The following SCN1A variants were observed in gnomAD, a reference collection of about 807,000 sequenced individuals.
SCN1A encodes sodium channel protein type 1 subunit alpha.
In SCN1A, 13 loss-of-function variants were observed where a neutral mutation model predicts 193.7. The ratio of observed to expected loss-of-function variants is 0.07; its 90% CI spans 0.04 to 0.11. The LOEUF (loss-of-function observed/expected upper bound fraction) is 0.11, where lower values mean the gene tolerates loss of function less well. SCN1A is among the 10% of genes least tolerant of loss of function. The pLI is 1.00. For missense variants in SCN1A, 1,432 were observed against 2,451.1 expected, an observed-to-expected ratio of 0.58 and a Z score of 8.78; for synonymous variants, 781 against 843.6, an observed-to-expected ratio of 0.93 and a Z score of 1.29.
chr2:166,115,801 A>G (rs537852489), intron 2 of SCN1A, among the ~76,000 whole-genome samples: 7 of 152,340 alleles, frequency 4.6e-5, no homozygotes, highest in African/African-American at 1.4e-4. Context: ...CACATCAGAC[A>G]ATATGCTGCA....
At chr2:166,004,275 C>A (rs570019150) in intron 23 of SCN1A, among the ~76,000 whole-genome samples, 1 of 151,652 alleles carries the variant, frequency 6.6e-6, no homozygotes, top group African/African-American at 2.4e-5. Flanking sequence ...ATTTTGTCCA[C>A]TATCCAGATT....
rs374469964 is a variant in SCN1A, at chr2:166,019,975, A to G, written c.3430-4248T>C. On this transcript the variant is annotated intron_variant, in intron 19 of 28. Transcript: ENST00000674923. ...GTCCACGCTGGAGTGCAGTGGCGCGATCTCGGCTCACTGCAAGCTCCGCCT... is the reference window on the plus strand; with the variant it reads ...GTCCACGCTGGAGTGCAGTGGCGCGGTCTCGGCTCACTGCAAGCTCCGCCT... 4.7e-5 allele frequency among the ~76,000 whole-genome samples: 7 copies of G among 149,066 alleles called. No homozygotes were observed. In the East Asian group the frequency reaches 1.0e-3, roughly 21 times the overall value.
intron 20 of SCN1A, among the ~76,000 whole-genome samples, chr2:166,014,694 A>ATCCTGTATTT (rs1693035927): frequency 2.0e-5 from 3 of 151,116 alleles, no homozygotes; most frequent in Non-Finnish European, 3.0e-5. Flanking sequence ...GGAGAAAGGG[A>ATCCTGTATTT]ATGAATGGAG....
intron 4 of SCN1A, among the ~76,000 whole-genome samples, chr2:166,073,040 A>C (rs767640675): frequency 6.6e-6 from 1 of 151,926 alleles, no homozygotes; most frequent in Non-Finnish European, 1.5e-5. Context: ...GGGTTTCACC[A>C]TGTTGGCCAG....
rs1693197328 is a variant in SCN1A at position 166,015,723 on chromosome 2, A to G, written c.3434T>C (p.Leu1145Pro). The change falls in exon 20 of 29, where the codon CTG becomes CCG. Residue 1145 changes from leucine to proline, a missense_variant. Physicochemically the swap from Leu to Pro is moderately conservative, Grantham distance 98 (BLOSUM62 -3). Around this residue, in one of 18 missense-constraint regions of SCN1A, gnomAD observed 198 missense variants for 225.8 expected, o/e 0.88. Transcript: ENST00000674923. ...ESDLEESKEK[L>P]NESSSSSEGS... ...TTCTGATGAGCTACTGCTTTCATTC[A>G]GTTTCTGTAAGTGAGATGGACATAG... 6.2e-7 allele frequency: 1 copy of G among 1,612,432 alleles called. No individual in the cohort carries two copies. The highest frequency in any genetic ancestry group is 1.7e-5 in the Admixed American group (1 of 59,934).
chr2:166,095,536 C>T (rs1179904003), intron 2 of SCN1A, among the ~76,000 whole-genome samples: 1 of 152,054 alleles, frequency 6.6e-6, no homozygotes, highest in African/African-American at 2.4e-5. Context: ...TCCCATGATC[C>T]CATGATTCTC....
intron 2 of SCN1A, among the ~76,000 whole-genome samples, chr2:166,110,652 G>A (rs1689197138): frequency 6.6e-6 from 1 of 152,154 alleles, no homozygotes; most frequent in African/African-American, 2.4e-5. Context: ...TAAAGTGCAA[G>A]GTTAAGCAGT....
At chr2:166,053,564 A>G (rs745728240) in intron 7 of SCN1A, among the ~76,000 whole-genome samples, 9 of 152,032 alleles carry the variant, frequency 5.9e-5, no homozygotes, top group Admixed American at 2.0e-4. Context: ...TGAGGGTCCA[A>G]TGCTGCGCCT....
intron 1 of SCN1A, among the ~76,000 whole-genome samples, chr2:166,148,392 GT>G (rs1027777526): frequency 1.8e-4 from 28 of 152,102 alleles, no homozygotes; most frequent in Admixed American, 1.3e-3. Context: ...GCGCTATATT[GT>G]TTCTACTTTT....
At chr2:166,044,977 A>G in intron 13 of SCN1A, 66 bp downstream of exon 13, 5 of 1,470,332 alleles carry the variant, frequency 3.4e-6, no homozygotes, top group Non-Finnish European at 4.8e-6. Context: ...TCCATTTTCT[A>G]ATTCTCCCCC....
intron 4 of SCN1A, 27 bp downstream of exon 4, chr2:166,073,331 A>G (rs1003875595): frequency 1.6e-5 from 26 of 1,612,484 alleles, no homozygotes; most frequent in Non-Finnish European, 1.9e-5. Flanking sequence ...AATTAGCAGC[A>G]AAATATGCCT....
At chr2:166,123,223 CAAAAAAAAAAAAAAAAA>C (rs57488795) in intron 2 of SCN1A, among the ~76,000 whole-genome samples, 16 of 116,402 alleles carry the variant, frequency 1.4e-4, no homozygotes, top group Admixed American at 4.8e-4. Flanking sequence ...CATTCATTTG[CAAAAAAAAAAAAAAAAA>C]AAAAAAAAAA....
At chr2:166,010,659 A>G (rs1692319489) in intron 22 of SCN1A, among the ~76,000 whole-genome samples, 1 of 151,264 alleles carries the variant, frequency 6.6e-6, no homozygotes, top group African/African-American at 2.4e-5. Flanking sequence ...GAAAGATGCT[A>G]GTATTGGAGA....
chr2:166,125,307 G>GAGT (rs1307306607), intron 2 of SCN1A, among the ~76,000 whole-genome samples: 1 of 152,234 alleles, frequency 6.6e-6, no homozygotes, highest in Non-Finnish European at 1.5e-5. Flanking sequence ...AGCTGGAAGA[G>GAGT]AGTAGGCTTT....
intron 19 of SCN1A, chr2:166,016,381 T>C (rs764519633): frequency 8.5e-5 from 13 of 152,144 alleles, no homozygotes; most frequent in Non-Finnish European, 1.5e-4. Flanking sequence ...ATGAGATAAA[T>C]AGTGTGTGGG....
intron 12 of SCN1A, 65 bp from the exon 13 acceptor site, chr2:166,045,392 T>G: frequency 6.5e-7 from 1 of 1,536,940 alleles, no homozygotes; most frequent in Non-Finnish European, 9.0e-7. Context: ...TTGAAAGGGC[T>G]GAAGTATTTG....
At position 166,038,001 on chromosome 2, in the gene SCN1A, G is replaced by A. The variant is rs748504238; in HGVS notation, c.2721C>T (p.Val907=). The change falls in exon 18 of 29, where the codon GTC becomes GTT. Residue 907 remains valine (V), a synonymous_variant. Coordinates refer to ENST00000674923, the MANE Select transcript of SCN1A (RefSeq NM_001165963.4). ...LAIIVFIFAV[V]GMQLFGKSYK... ...AGCTTTTACCAAAGAGCTGCATGCCGACCACGGCAAAAATGAAGACGATGA... is the reference window on the plus strand; with the variant it reads ...AGCTTTTACCAAAGAGCTGCATGCCAACCACGGCAAAAATGAAGACGATGA... 31 of 1,614,050 alleles carry A rather than the reference G, an allele frequency of 1.9e-5. No individual in the cohort carries two copies. Among genetic ancestry groups the A allele is most frequent in the Non-Finnish European group, 2.5e-5 (29 of 1,180,036 alleles).
At chr2:166,098,679 A>G (rs570537812) in intron 2 of SCN1A, among the ~76,000 whole-genome samples, 1 of 152,320 alleles carries the variant, frequency 6.6e-6, no homozygotes, top group East Asian at 1.9e-4. Context: ...ATGAAAAATT[A>G]ATGTACAAAA....
intron 2 of SCN1A, among the ~76,000 whole-genome samples, chr2:166,106,143 C>T (rs1399570210): frequency 2.0e-5 from 3 of 152,134 alleles, no homozygotes; most frequent in Non-Finnish European, 4.4e-5. Flanking sequence ...GCCCAGATTG[C>T]GCCACTGTGC....
Sources: gnomAD v4.1 joint callset for allele counts (sites outside exome capture counted in the v4.1 genomes callset) on GRCh38, gnomAD v4.1.1 for gene constraint, gnomAD v4.1.1 regional missense constraint, MANE v1.5 for transcripts, NCBI Gene and HGNC (gene_info 2026-07-23, HGNC 2026-07-21) for gene names.